Variants in SHANK2 observed in about 807,000 individuals in gnomAD.
SHANK2 encodes the protein SH3 and multiple ankyrin repeat domains 2, also known as SH3 and multiple ankyrin repeat domains protein 2.
Under a neutral mutation model 133.7 loss-of-function variants are expected in SHANK2, and 43 were observed. The ratio of observed to expected loss-of-function variants is 0.32; its 90% CI spans 0.25 to 0.41. SHANK2 has a LOEUF of 0.41. SHANK2 is among the 10% of genes least tolerant of loss of function. SHANK2 has a pLI of 1.00. For missense variants in SHANK2, 1,994 were observed against 2,235.8 expected (o/e 0.89, Z 2.18); for synonymous variants, 1,017 against 952.8 (o/e 1.07, Z -1.24).
At chr11:70,523,760 A>G (rs570145422) in intron 17 of SHANK2, among the ~76,000 whole-genome samples, 1 of 152,156 alleles carries the variant, frequency 6.6e-6, no homozygotes, top group South Asian at 2.1e-4. Flanking sequence ...TCAGTCCACT[A>G]TCTTGTTCTC....
At chr11:70,926,051 T>C (rs1419794741) in intron 10 of SHANK2, among the ~76,000 whole-genome samples, 1 of 152,062 alleles carries the variant, frequency 6.6e-6, no homozygotes, top group Non-Finnish European at 1.5e-5. Context: ...GGCAGGTGGA[T>C]TGCTTGAACC....
At chr11:70,646,829 T>TTTATTTATTTTTTTTA (rs1491262147) in intron 17 of SHANK2, among the ~76,000 whole-genome samples, 1 of 81,906 alleles carries the variant, frequency 1.2e-5, no homozygotes, top group Non-Finnish European at 2.7e-5. Context: ...CTTTTATTTA[T>TTTATTTATTTTTTTTA]TTTATTTATT....
intron 10 of SHANK2, among the ~76,000 whole-genome samples, chr11:70,930,317 C>A (rs781804258): frequency 6.6e-6 from 1 of 152,142 alleles, no homozygotes; most frequent in Non-Finnish European, 1.5e-5. Context: ...ACAATGTCTC[C>A]TTTTGTCTGG....
At chr11:71,197,279 C>T (rs895966335) in intron 2 of SHANK2, among the ~76,000 whole-genome samples, 3 of 151,270 alleles carry the variant, frequency 2.0e-5, no homozygotes, top group African/African-American at 7.4e-5. Context: ...TGGCTGGGCC[C>T]TCCCGGGTGG....
chr11:70,540,746 C>T (rs1051115430), intron 17 of SHANK2, among the ~76,000 whole-genome samples: 41 of 151,284 alleles, frequency 2.7e-4, no homozygotes, highest in Non-Finnish European at 4.9e-4. Flanking sequence ...TGGTGGCGGG[C>T]GCCTGCAACG....
At chr11:70,763,478 G>A (rs1300113685) in intron 14 of SHANK2, among the ~76,000 whole-genome samples, 7 of 152,152 alleles carry the variant, frequency 4.6e-5, no homozygotes, top group Non-Finnish European at 7.4e-5. Context: ...GAAGTTGGAC[G>A]TTCTCATGAC....
chr11:70,681,932 G>C (rs1555018487), intron 15 of SHANK2, among the ~76,000 whole-genome samples: 1 of 152,142 alleles, frequency 6.6e-6, no homozygotes. Context: ...ATAATAACAG[G>C]GTCTGGGCAT....
intron 17 of SHANK2, among the ~76,000 whole-genome samples, chr11:70,508,343 A>G (rs574249378): frequency 5.9e-4 from 90 of 152,212 alleles, no homozygotes; most frequent in Non-Finnish European, 1.1e-3. Flanking sequence ...CCATCCCTCC[A>G]GCTTCCCCTA....
intron 2 of SHANK2, among the ~76,000 whole-genome samples, chr11:71,196,362 C>T (rs538369123): frequency 6.3e-4 from 96 of 152,018 alleles, no homozygotes; most frequent in African/African-American, 2.1e-3. Context: ...CTTGGCTCAC[C>T]GCAACCTCTG....
intron 2 of SHANK2, among the ~76,000 whole-genome samples, chr11:71,167,548 C>A: frequency 7.8e-6 from 1 of 127,536 alleles, no homozygotes; most frequent in African/African-American, 3.2e-5. Flanking sequence ...GGGGCTGACC[C>A]CCCCACCTCC....
intron 14 of SHANK2, among the ~76,000 whole-genome samples, chr11:70,743,605 T>C (rs527518206): frequency 6.6e-6 from 1 of 152,262 alleles, no homozygotes; most frequent in Admixed American, 6.5e-5. Flanking sequence ...ACTGGATGCT[T>C]TGGGATAAGC....
At chr11:70,942,906 G>A (rs972620527) in intron 10 of SHANK2, 1 of 455,458 alleles carries the variant, frequency 2.2e-6, no homozygotes, top group Admixed American at 2.4e-5. Flanking sequence ...TTCTGGGTCT[G>A]GTGCTGGGTG....
chr11:70,489,527 G>A, intron 23 of SHANK2, 179 bp from the exon 24 acceptor site: 2 of 687,370 alleles, frequency 2.9e-6, no homozygotes, highest in South Asian at 3.2e-5. Context: ...CTGCGCTTTT[G>A]CACAGCAGCC....
chr11:70,517,224 C>T (rs1554970301), intron 17 of SHANK2, among the ~76,000 whole-genome samples: 1 of 152,172 alleles, frequency 6.6e-6, no homozygotes, highest in African/African-American at 2.4e-5. Flanking sequence ...CAGCAAATGC[C>T]GGCGAGGATG....
intron 17 of SHANK2, among the ~76,000 whole-genome samples, chr11:70,649,002 G>A (rs536231511): frequency 1.8e-4 from 27 of 152,320 alleles, no homozygotes; most frequent in African/African-American, 6.0e-4. Context: ...AGCAGGTGGA[G>A]GAGGCAAAAC....
In SHANK2 at chr11:70,520,933, G is replaced by A. The variant is rs114819562; in HGVS notation, c.2062-18002C>T. On this transcript the variant is annotated intron_variant, in intron 17 of 25. Coordinates refer to ENST00000601538, the MANE Select transcript of SHANK2 (RefSeq NM_012309.5). ...TTTTTTGACCACTTCCTTCCTTTCC[G>A]GTTCTACAGGATGCTCTAGGCTGCT... Among the ~76,000 whole-genome samples the A allele has an allele frequency of 7.8e-3, 1,194 of 152,154 alleles. 14 individuals carry two copies. Among genetic ancestry groups the A allele is most frequent in the African/African-American group, 0.028 (1,152 of 41,506 alleles).
At chr11:70,692,777 A>G (rs1420679009) in intron 15 of SHANK2, among the ~76,000 whole-genome samples, 2 of 152,230 alleles carry the variant, frequency 1.3e-5, no homozygotes, top group African/African-American at 4.8e-5. Context: ...GTGAGGCTCG[A>G]AAGCCATGAA....
intron 14 of SHANK2, among the ~76,000 whole-genome samples, chr11:70,725,785 T>C (rs1286698825): frequency 6.6e-6 from 1 of 152,192 alleles, no homozygotes; most frequent in Non-Finnish European, 1.5e-5. Flanking sequence ...CCGGTAGACC[T>C]CTGAAGACAA....
intron 3 of SHANK2, among the ~76,000 whole-genome samples, chr11:71,146,463 A>G (rs1438136506): frequency 2.0e-5 from 3 of 150,636 alleles, no homozygotes; most frequent in Non-Finnish European, 4.4e-5. Flanking sequence ...CCCAGGGGCC[A>G]ACCTCCTCGG....
Sources: gnomAD v4.1 joint callset for allele counts (sites outside exome capture counted in the v4.1 genomes callset) on GRCh38, gnomAD v4.1.1 for gene constraint, MANE v1.5 for transcripts, NCBI Gene and HGNC (gene_info 2026-07-23, HGNC 2026-07-21) for gene names.